Variants in ROCK1 observed in about 807,000 individuals in gnomAD.
The protein encoded by ROCK1 is Rho associated coiled-coil containing protein kinase 1.
Under a neutral mutation model 196.8 loss-of-function variants are expected in ROCK1, and 36 were observed. That is an observed-to-expected ratio of 0.18 (90% CI 0.14 to 0.24). The LOEUF is 0.24. Ranked by LOEUF, ROCK1 falls within the 10% of genes least tolerant of loss-of-function variation. The pLI is 1.00. For synonymous variants in ROCK1, 443 were observed against 515.9 expected (o/e 0.86, Z 1.91); for missense variants, 920 against 1,562.0 (o/e 0.59, Z 6.93).
chr18:21,098,318 A>G (rs1181491715), intron 1 of ROCK1, among the ~76,000 whole-genome samples: 4 of 152,242 alleles, frequency 2.6e-5, no homozygotes, highest in Non-Finnish European at 5.9e-5. Flanking sequence ...GGCATTGTCA[A>G]CCAACAAACA....
At chr18:20,997,133 T>C (rs576458688) in intron 16 of ROCK1, among the ~76,000 whole-genome samples, 102 of 152,176 alleles carry the variant, frequency 6.7e-4, no homozygotes, top group African/African-American at 2.4e-3. Context: ...TGAACTAAAC[T>C]GCCCAATCGA....
Position 21,111,241 on chromosome 18 carries a change from T to C in ROCK1, c.-331A>G. ...TAGCGGGCCCCGGCCGCCGTCGCCATGGAGGGGTCCCCGTCCCGAGATGGG... is the reference window on the plus strand; with the variant it reads ...TAGCGGGCCCCGGCCGCCGTCGCCACGGAGGGGTCCCCGTCCCGAGATGGG... On this transcript the variant is annotated 5_prime_UTR_variant, in exon 1 of 33. The change abolishes an upstream ATG in the 5' untranslated region. Transcript: ENST00000399799. This position sits in a 1 kb window ranked among gnomAD's most constrained non-coding sequence, Gnocchi z 4.2. 2.0e-6 allele frequency: 1 copy of C among 488,920 alleles called. No homozygotes were observed. The highest frequency in any genetic ancestry group is 3.6e-5 in the South Asian group (1 of 27,588). 30.3% of individuals were successfully genotyped at this position (488,920 alleles called of 1,614,324 possible). A position where few individuals can be genotyped will look rare whatever the true frequency, so the allele number is the denominator to read the frequency against.
rs1336927478 is a variant in ROCK1, at chr18:21,028,799, T to C, written c.1188A>G (p.Gly396=). The C allele has an allele frequency of 6.2e-7, 1 of 1,611,860 alleles. No homozygotes were observed. Among genetic ancestry groups the C allele is most frequent in the Non-Finnish European group, 8.5e-7 (1 of 1,179,454 alleles). Reference sequence around the variant, plus strand: ...ACCTACGATTGCTATAATATGTAAATCCTACAAAAGGTAGTTGATTGCCAA... The same window carrying C: ...ACCTACGATTGCTATAATATGTAAACCCTACAAAAGGTAGTTGATTGCCAA... The part of the protein sequence containing the change: ...AFVGNQLPFV[G]FTYYSNRRYL... The change falls in exon 10 of 33, where the codon GGA becomes GGG. Residue 396 remains glycine, a synonymous_variant. Transcript: ENST00000399799.
rs1475298228 is a variant in ROCK1 at position 20,948,547 on chromosome 18, T to A, written c.*2837A>T. On this transcript the variant is annotated 3_prime_UTR_variant, in exon 33 of 33. Coordinates refer to ENST00000399799, the MANE Select transcript of ROCK1 (RefSeq NM_005406.3). The stretch of plus-strand genomic sequence containing the variant: ...CCAAATGACAGGTCATGAGTGAACC[T>A]GTGAATAATGACAGTGGCTATGTTT... The A allele has an allele frequency of 1.3e-5, 2 of 149,772 alleles. No individual in the cohort carries two copies. The highest frequency in any genetic ancestry group is 5.1e-5 in the African/African-American group (2 of 39,314). The allele number at this position is 149,772 out of a possible 1,614,324, so 9.3% of individuals were successfully genotyped here.
At position 21,031,604 on chromosome 18, in the gene ROCK1, C is replaced by CAAA. The variant is rs781463990; in HGVS notation, c.1052-2672_1052-2670dup. On this transcript the variant is annotated intron_variant, in intron 9 of 32. Coordinates refer to ENST00000399799, the MANE Select transcript of ROCK1 (RefSeq NM_005406.3). ...TGGGCAACAGAGCGAGACTCCATCT[C>CAAA]AAAAAAAAAAAAAAAAAAAAAGAAA... Among the ~76,000 whole-genome samples, 170 of 51,714 alleles carry CAAA rather than the reference C, an allele frequency of 3.3e-3. 2 individuals carry two copies. The Middle Eastern group carries it at 0.048, about 15-fold the overall frequency. The allele number at this position is 51,714 out of a possible 152,430, so 33.9% of individuals were successfully genotyped here.
intron 13 of ROCK1, among the ~76,000 whole-genome samples, chr18:21,009,020 T>A (rs1393723804): frequency 3.9e-5 from 6 of 152,092 alleles, no homozygotes; most frequent in Admixed American, 3.3e-4. Context: ...AACAATTTCT[T>A]TCCAGTCACT....
chr18:21,068,390 T>C (rs1201671677), intron 2 of ROCK1, among the ~76,000 whole-genome samples: 5 of 152,234 alleles, frequency 3.3e-5, no homozygotes, highest in Non-Finnish European at 7.3e-5. Flanking sequence ...AAGACTATAC[T>C]GTCTTGATAT....
At chr18:20,967,324 A>G (rs2035383365) in intron 26 of ROCK1, among the ~76,000 whole-genome samples, 1 of 152,184 alleles carries the variant, frequency 6.6e-6, no homozygotes, top group South Asian at 2.1e-4. Context: ...ATAAGCCATC[A>G]AAACAAAAAA....
chr18:21,037,202 T>C (rs1417120040), intron 9 of ROCK1, among the ~76,000 whole-genome samples: 1 of 152,186 alleles, frequency 6.6e-6, no homozygotes, highest in African/African-American at 2.4e-5. Context: ...AAAAATAGTG[T>C]TAAAATCTTC....
intron 21 of ROCK1, among the ~76,000 whole-genome samples, chr18:20,981,485 C>G (rs920210440): frequency 6.6e-6 from 1 of 152,168 alleles, no homozygotes; most frequent in Non-Finnish European, 1.5e-5. Context: ...ATGGCTCTTA[C>G]AAAATTCACT....
intron 2 of ROCK1, among the ~76,000 whole-genome samples, chr18:21,070,161 A>C (rs1016711779): frequency 1.3e-5 from 2 of 152,124 alleles, no homozygotes; most frequent in African/African-American, 4.8e-5. Flanking sequence ...AAATTTTTAA[A>C]TGATAAAATC....
At chr18:21,097,269 G>C (rs1435410497) in intron 1 of ROCK1, among the ~76,000 whole-genome samples, 1 of 152,154 alleles carries the variant, frequency 6.6e-6, no homozygotes, top group Non-Finnish European at 1.5e-5. Context: ...AAGAATGTTG[G>C]GATGAAAATT....
At chr18:21,089,164 T>C (rs1219588513) in intron 1 of ROCK1, among the ~76,000 whole-genome samples, 2 of 152,050 alleles carry the variant, frequency 1.3e-5, no homozygotes, top group Non-Finnish European at 2.9e-5. Context: ...GTTCAAGAAA[T>C]TCCCCTGCCT....
intron 4 of ROCK1, among the ~76,000 whole-genome samples, chr18:21,048,147 A>C (rs1301872090): frequency 1.3e-5 from 2 of 152,184 alleles, no homozygotes; most frequent in Non-Finnish European, 2.9e-5. Context: ...AGACTTATGA[A>C]CAAGGAAATT....
intron 6 of ROCK1, among the ~76,000 whole-genome samples, chr18:21,043,595 CATAATATGT>C (rs2036129256): frequency 6.8e-6 from 1 of 146,392 alleles, no homozygotes; most frequent in African/African-American, 2.5e-5. Flanking sequence ...TATACATATA[CATAATATGT>C]ATATACATAT....
At chr18:21,071,313 G>C (rs1344136699) in intron 1 of ROCK1, among the ~76,000 whole-genome samples, 9 of 151,608 alleles carry the variant, frequency 5.9e-5, no homozygotes, top group Admixed American at 5.9e-4. Flanking sequence ...TGAGTAGCGG[G>C]GACTACAGGC....
At chr18:20,970,205 A>G (rs1331288080) in intron 23 of ROCK1, 143 bp downstream of exon 23, 3 of 561,060 alleles carry the variant, frequency 5.3e-6, no homozygotes, top group Admixed American at 3.2e-5. Context: ...TATACAAACT[A>G]TTTTATACAT....
At chr18:21,073,093 A>C (rs1430876482) in intron 1 of ROCK1, among the ~76,000 whole-genome samples, 21 of 117,274 alleles carry the variant, frequency 1.8e-4, no homozygotes, top group East Asian at 5.3e-4. Context: ...AAAAAAAAAA[A>C]AAAAAACAAA....
chr18:20,971,230 AC>A (rs1166649981), intron 22 of ROCK1, among the ~76,000 whole-genome samples: 1 of 150,198 alleles, frequency 6.7e-6, no homozygotes, highest in Non-Finnish European at 1.5e-5. Flanking sequence ...AGTAACTTCC[AC>A]CTCCTATTTT....
Sources: allele counts gnomAD v4.1 joint callset (sites outside exome capture counted in the v4.1 genomes callset), GRCh38; gene constraint gnomAD v4.1.1; non-coding constraint Gnocchi (gnomAD v3.1); transcripts MANE v1.5; gene names NCBI Gene and HGNC (gene_info 2026-07-23, HGNC 2026-07-21).